The following FSTL4 variants were observed in gnomAD, a reference collection of about 807,000 sequenced individuals.
The protein encoded by FSTL4 is follistatin like 4, also known as follistatin-related protein 4.
FSTL4 carries 28 observed loss-of-function variants against 78.2 expected under a neutral mutation model. That is an observed-to-expected ratio of 0.36 (90% CI 0.27 to 0.49). The LOEUF (loss-of-function observed/expected upper bound fraction) is 0.49. FSTL4 is among the 20% of genes least tolerant of loss of function. The pLI is 0.98. For missense variants in FSTL4, 922 were observed against 1,084.9 expected, an observed-to-expected ratio of 0.85 and a Z score of 2.11; for synonymous variants, 422 against 440.5, an observed-to-expected ratio of 0.96 and a Z score of 0.53.
At chr5:133,336,377 A>T (rs1052840711) in intron 4 of FSTL4, among the ~76,000 whole-genome samples, 3 of 152,250 alleles carry the variant, frequency 2.0e-5, no homozygotes, top group Admixed American at 1.3e-4. Context: ...CCTGCTCTCC[A>T]GAAGCCCATG....
Position 133,524,672 on chromosome 5 carries a change from C to A in FSTL4, c.160+42514G>T, listed in dbSNP as rs1401169344. On this transcript the variant is annotated intron_variant, in intron 3 of 15. Transcript: ENST00000265342. Reference sequence around the variant, plus strand: ...GCATAGAGGGCCCTCCAGAAATGCACCCCCCACCCCGCCCCTGGGTGGGTT... The same window carrying A: ...GCATAGAGGGCCCTCCAGAAATGCAACCCCCACCCCGCCCCTGGGTGGGTT... Among the ~76,000 whole-genome samples the A allele has an allele frequency of 2.0e-5, 3 of 152,278 alleles. No individual in the cohort carries two copies. The East Asian group carries it at 5.8e-4, about 29-fold the overall frequency.
At chr5:133,651,563 C>A in the FSTL4 span, among the ~76,000 whole-genome samples, 1 of 152,000 alleles carries the variant, frequency 6.6e-6, no homozygotes, top group Admixed American at 6.6e-5. Flanking sequence ...GAATTTTGAA[C>A]CAGTCTGGTA....
the FSTL4 span, among the ~76,000 whole-genome samples, chr5:133,627,727 C>T: frequency 1.3e-5 from 2 of 152,012 alleles, no homozygotes; most frequent in African/African-American, 2.4e-5. Context: ...AGACCATTTA[C>T]GTTTAATTGA....
chr5:133,529,785 A>G (rs1759212885), intron 3 of FSTL4, among the ~76,000 whole-genome samples: 1 of 152,060 alleles, frequency 6.6e-6, no homozygotes, highest in Non-Finnish European at 1.5e-5. Context: ...AACTCTGTTG[A>G]ATGGTTTTTT....
At chr5:133,365,705 C>T (rs1019119395) in intron 4 of FSTL4, among the ~76,000 whole-genome samples, 14 of 152,286 alleles carry the variant, frequency 9.2e-5, no homozygotes, top group African/African-American at 2.4e-4. Flanking sequence ...CTCAGCCGTA[C>T]TGCTGTGACC....
intron 6 of FSTL4, among the ~76,000 whole-genome samples, chr5:133,280,831 T>A (rs945505914): frequency 6.6e-6 from 1 of 152,176 alleles, no homozygotes; most frequent in African/African-American, 2.4e-5. Flanking sequence ...CGCCTCCCTG[T>A]CTCCAGGTCT....
intron 3 of FSTL4, among the ~76,000 whole-genome samples, chr5:133,497,053 C>T (rs1758380701): frequency 6.6e-6 from 1 of 152,232 alleles, no homozygotes; most frequent in Non-Finnish European, 1.5e-5. Flanking sequence ...TTCATGGGTG[C>T]CGTGCTATAA....
At chr5:133,546,972 G>A (rs1037718794) in intron 3 of FSTL4, among the ~76,000 whole-genome samples, 1 of 152,200 alleles carries the variant, frequency 6.6e-6, no homozygotes, top group Non-Finnish European at 1.5e-5. Context: ...TGAACACCCT[G>A]GGGGCCCAGG....
intron 3 of FSTL4, among the ~76,000 whole-genome samples, chr5:133,460,370 C>T (rs1386244955): frequency 2.0e-5 from 3 of 152,130 alleles, no homozygotes; most frequent in African/African-American, 2.4e-5. Flanking sequence ...GCTGTCTGTC[C>T]GCCATCTGAT....
chr5:133,498,998 TACACAC>T (rs142906885), intron 3 of FSTL4, among the ~76,000 whole-genome samples: 2 of 146,990 alleles, frequency 1.4e-5, no homozygotes, highest in Non-Finnish European at 3.0e-5. Context: ...AGCAACAAAT[TACACAC>T]ACACACACAC....
chr5:133,772,678 G>A, the FSTL4 span, among the ~76,000 whole-genome samples: 3 of 152,140 alleles, frequency 2.0e-5, no homozygotes, highest in African/African-American at 7.2e-5. Context: ...GAGAGCCAGG[G>A]AGGGCCAAAT....
chr5:133,514,996 C>T (rs1308280840), intron 3 of FSTL4, among the ~76,000 whole-genome samples: 12 of 152,030 alleles, frequency 7.9e-5, no homozygotes, highest in South Asian at 4.2e-4. Context: ...TCAAAAACAT[C>T]GCTTGAAAAT....
In FSTL4 at chr5:133,567,203, T is replaced by C; in HGVS notation, c.143A>G (p.Glu48Gly). The C allele has an allele frequency of 6.2e-7, 1 of 1,609,130 alleles. No homozygotes were observed. The highest frequency in any genetic ancestry group is 8.5e-7 in the Non-Finnish European group (1 of 1,175,444). Residue 48 changes from glutamate (E) to glycine (G), a missense_variant, in exon 3 of 16, where the codon GAA becomes GGA. Transcript: ENST00000265342. ...TTTCCTACCTTCTCTTCTTGTGACT[T>C]CAAAGCTTCTGGGCTCCTGCAAGAA... The part of the protein sequence containing the change: ...ESQAEEPRSF[E>G]VTRREGLSSH...
intron 4 of FSTL4, among the ~76,000 whole-genome samples, chr5:133,385,817 G>A (rs972915464): frequency 5.3e-5 from 8 of 152,310 alleles, no homozygotes; most frequent in African/African-American, 1.7e-4. Flanking sequence ...CGAGTCAAGA[G>A]TGGCTAACAA....
the FSTL4 span, among the ~76,000 whole-genome samples, chr5:133,784,693 G>C: frequency 6.6e-5 from 10 of 151,988 alleles, 1 homozygote; most frequent in Middle Eastern, 3.4e-3. Flanking sequence ...CCTAGCAGTA[G>C]GGCAGAATTA....
At chr5:133,750,901 C>A in the FSTL4 span, among the ~76,000 whole-genome samples, 5 of 152,118 alleles carry the variant, frequency 3.3e-5, no homozygotes, top group Admixed American at 6.5e-5. Flanking sequence ...GTCTACAGCC[C>A]TGAGAACGCA....
chr5:133,754,238 A>T, the FSTL4 span, among the ~76,000 whole-genome samples: 1 of 152,338 alleles, frequency 6.6e-6, no homozygotes, highest in Middle Eastern at 3.4e-3. Flanking sequence ...GAAGAAAATA[A>T]ATACAAACTA....
chr5:133,351,438 A>C (rs1190497795), intron 4 of FSTL4, among the ~76,000 whole-genome samples: 1 of 151,506 alleles, frequency 6.6e-6, no homozygotes, highest in African/African-American at 2.4e-5. Flanking sequence ...TGCTATTTTC[A>C]CCTTCTATAA....
At chr5:133,395,375 C>T (rs1373831440) in intron 4 of FSTL4, among the ~76,000 whole-genome samples, 1 of 152,202 alleles carries the variant, frequency 6.6e-6, no homozygotes, top group Admixed American at 6.5e-5. Context: ...AGGTCCGCAG[C>T]TTCACTCCTG....
Sources: allele counts gnomAD v4.1 joint callset (sites outside exome capture counted in the v4.1 genomes callset), GRCh38; gene constraint gnomAD v4.1.1; transcripts MANE v1.5; gene names NCBI Gene and HGNC (gene_info 2026-07-23, HGNC 2026-07-21).